Variants in KLHL10 observed in about 807,000 individuals in gnomAD.
The protein encoded by KLHL10 is kelch like family member 10, also known as kelch-like protein 10.
KLHL10 carries 11 observed loss-of-function variants against 46.6 expected under a neutral mutation model. The ratio of observed to expected loss-of-function variants is 0.24; its 90% CI spans 0.15 to 0.39. The LOEUF is 0.39. Ranked by LOEUF, KLHL10 falls within the 10% of genes least tolerant of loss-of-function variation. The pLI is 1.00. For synonymous variants in KLHL10, 254 were observed against 279.1 expected (o/e 0.91, Z 0.90); for missense variants, 475 against 789.8 (o/e 0.60, Z 4.78).
chr17:41,838,377 C>G (rs2144121028), intron 1 of KLHL10, among the ~76,000 whole-genome samples: 1 of 152,176 alleles, frequency 6.6e-6, no homozygotes, highest in Non-Finnish European at 1.5e-5. Flanking sequence ...TCCACCTACT[C>G]CAGCCTCCCA....
Position 41,845,323 on chromosome 17 carries a change from T to C in KLHL10, c.882T>C (p.Phe294=). ...CACGCTTGCCCTATGCCATCCTCTT[T>C]GCAATTGGTGGCTGGAGTGGTGGGA... ...TRPRLPYAIL[F]AIGGWSGGSP... is the part of the protein sequence containing the mutation. Residue 294 remains phenylalanine, a synonymous_variant, in exon 3 of 5, where the codon TTT becomes TTC. Coordinates refer to ENST00000293303, the MANE Select transcript of KLHL10 (RefSeq NM_152467.5). 1.2e-6 allele frequency: 2 copies of C among 1,614,236 alleles called. No homozygotes were observed. The highest frequency in any genetic ancestry group is 1.7e-6 in the Non-Finnish European group (2 of 1,180,036).
chr17:41,841,162 AAAG>A (rs1363669381), intron 1 of KLHL10, among the ~76,000 whole-genome samples: 3 of 152,056 alleles, frequency 2.0e-5, no homozygotes, highest in Non-Finnish European at 4.4e-5. Context: ...GAAAAAAAGA[AAAG>A]AAAACAATTA....
chr17:41,838,180 C>T (rs781925177), intron 1 of KLHL10, 54 bp downstream of exon 1: 1 of 1,390,314 alleles, frequency 7.2e-7, no homozygotes, highest in Non-Finnish European at 1.0e-6. Context: ...CATTTTGAGA[C>T]ACTTTGATCC....
upstream of KLHL10, chr17:41,836,208 G>T: frequency 8.0e-7 from 1 of 1,243,068 alleles, no homozygotes; most frequent in Non-Finnish European, 1.0e-6. Flanking sequence ...TTCGAGGCCT[G>T]GTCGGCGGCT....
At chr17:41,838,459 G>A (rs932643844) in intron 1 of KLHL10, among the ~76,000 whole-genome samples, 10 of 151,664 alleles carry the variant, frequency 6.6e-5, no homozygotes, top group Non-Finnish European at 8.8e-5. Context: ...AGGGAGTCTC[G>A]CTATGTTGCC....
At chr17:41,847,865 A>G (rs2048306150) in intron 4 of KLHL10, 68 bp from the exon 5 acceptor site, 1 of 1,602,428 alleles carries the variant, frequency 6.2e-7, no homozygotes, top group African/African-American at 1.3e-5. Flanking sequence ...TGGTACCCCC[A>G]ACAAGGGCTT....
At position 41,841,944 on chromosome 17, in the gene KLHL10, C is replaced by A; in HGVS notation, c.316C>A (p.Pro106Thr). The change falls in exon 2 of 5, where the codon CCG becomes ACG. Residue 106 changes from proline to threonine, a missense_variant. Physicochemically the swap from Pro to Thr is conservative, Grantham distance 38. Transcript: ENST00000293303. ...ATACACCCGGACCGTGCCTATCACA[C>A]CGGACAATGTGGAGAAACTGCTTGC... is the stretch of plus-strand genomic sequence containing the variant. ...YAYTRTVPIT[P>T]DNVEKLLAAA... 2.5e-6 allele frequency: 4 copies of A among 1,614,194 alleles called. No individual in the cohort carries two copies. Among genetic ancestry groups the A allele is most frequent in the South Asian group, 2.2e-5 (2 of 91,086 alleles).
intron 1 of KLHL10, 63 bp downstream of exon 1, chr17:41,838,189 C>A: frequency 7.4e-7 from 1 of 1,358,210 alleles, no homozygotes; most frequent in South Asian, 1.2e-5. Flanking sequence ...ACACTTTGAT[C>A]CATTTTCTGT....
At chr17:41,835,828 C>T (rs2048142879), upstream of KLHL10, 3 of 1,575,748 alleles carry the variant, frequency 1.9e-6, no homozygotes, top group South Asian at 1.2e-5. Flanking sequence ...CCGCCCCCAG[C>T]CCGGCCGGCC....
chr17:41,839,468 A>G (rs2048205107), intron 1 of KLHL10, among the ~76,000 whole-genome samples: 1 of 152,172 alleles, frequency 6.6e-6, no homozygotes, highest in East Asian at 1.9e-4. Flanking sequence ...CATTTCAAAC[A>G]GGGTGATAAA....
chr17:41,837,158 C>A (rs2048171841), upstream of KLHL10, among the ~76,000 whole-genome samples: 1 of 152,106 alleles, frequency 6.6e-6, no homozygotes, highest in Non-Finnish European at 1.5e-5. Flanking sequence ...GAGACCCGTC[C>A]CTAGAAAAAG....
At chr17:41,847,177 A>T in intron 3 of KLHL10, 84 bp from the exon 4 acceptor site, 1 of 1,182,414 alleles carries the variant, frequency 8.5e-7, no homozygotes, top group Non-Finnish European at 1.3e-6. Flanking sequence ...GACTGGAATT[A>T]AGTGCCCACT....
chr17:41,836,514 G>T (rs143896680), upstream of KLHL10: 438 of 953,652 alleles, frequency 4.6e-4, 4 homozygotes, highest in African/African-American at 7.3e-3. Context: ...TTTCCAGGCT[G>T]AAAGTTTGTG....
intron 3 of KLHL10, among the ~76,000 whole-genome samples, chr17:41,846,912 C>G (rs1421051779): frequency 6.6e-6 from 1 of 152,052 alleles, no homozygotes; most frequent in Non-Finnish European, 1.5e-5. Flanking sequence ...CTCAGGAGTT[C>G]GAGACCAGCC....
intron 4 of KLHL10, 72 bp downstream of exon 4, chr17:41,847,482 A>G: frequency 2.6e-6 from 4 of 1,533,938 alleles, no homozygotes; most frequent in Non-Finnish European, 3.6e-6. Flanking sequence ...AAATGGGTTT[A>G]TGCTACTATT....
chr17:41,836,215 G>C, upstream of KLHL10: 1 of 1,241,098 alleles, frequency 8.1e-7, no homozygotes, highest in Non-Finnish European at 1.0e-6. Context: ...CCTGGTCGGC[G>C]GCTCGCGGGA....
At chr17:41,838,530 G>C (rs2048192655) in intron 1 of KLHL10, among the ~76,000 whole-genome samples, 2 of 151,680 alleles carry the variant, frequency 1.3e-5, no homozygotes, top group African/African-American at 4.8e-5. Context: ...CCAAAGTGCT[G>C]GGATTACCAC....
upstream of KLHL10, among the ~76,000 whole-genome samples, chr17:41,836,815 ACC>A (rs1255760923): frequency 4.6e-5 from 7 of 151,282 alleles, no homozygotes; most frequent in African/African-American, 1.7e-4. Flanking sequence ...GACAGATGAC[ACC>A]CTGTCTCAGA....
chr17:41,837,640 T>TG, upstream of KLHL10: 1 of 1,152,780 alleles, frequency 8.7e-7, no homozygotes, highest in Non-Finnish European at 1.1e-6. Flanking sequence ...CTAGTGGTCA[T>TG]GGTTCTGTTT....
Sources: allele counts gnomAD v4.1 joint callset (sites outside exome capture counted in the v4.1 genomes callset), GRCh38; gene constraint gnomAD v4.1.1; transcripts MANE v1.5; gene names NCBI Gene and HGNC (gene_info 2026-07-23, HGNC 2026-07-21).